The following ZNF536 variants were observed in gnomAD, a reference collection of about 807,000 sequenced individuals.
ZNF536 encodes zinc finger protein 536.
Under a neutral mutation model 84.5 loss-of-function variants are expected in ZNF536, and 13 were observed. The observed-to-expected ratio is 0.15, with a 90% CI of 0.10 to 0.24. The LOEUF (loss-of-function observed/expected upper bound fraction) is 0.24, where lower values mean the gene tolerates loss of function less well. ZNF536 is among the 10% of genes least tolerant of loss of function. The pLI, the probability that ZNF536 is intolerant of heterozygous loss-of-function variation, is 1.00. For missense variants in ZNF536, 1,536 were observed against 1,747.5 expected, an observed-to-expected ratio of 0.88 and a Z score of 2.16; for synonymous variants, 811 against 742.5, an observed-to-expected ratio of 1.09 and a Z score of -1.50.
chr19:30,467,136 C>A (rs187083931), intron 2 of ZNF536, among the ~76,000 whole-genome samples: 2 of 152,190 alleles, frequency 1.3e-5, no homozygotes, highest in Non-Finnish European at 2.9e-5. Context: ...CTGCACCCAG[C>A]CTTAACCATT....
intron 1 of ZNF536, among the ~76,000 whole-genome samples, chr19:30,593,048 G>A (rs1027010884): frequency 2.0e-5 from 3 of 152,140 alleles, no homozygotes; most frequent in Admixed American, 6.5e-5. Flanking sequence ...AGATCCTTTC[G>A]TGCAAACGCT....
intron 2 of ZNF536, among the ~76,000 whole-genome samples, chr19:30,456,275 C>A (rs1309642706): frequency 6.7e-6 from 1 of 149,522 alleles, no homozygotes; most frequent in African/African-American, 2.5e-5. Context: ...TTTAGCCAAT[C>A]TCTGATTCGT....
chr19:30,603,859 G>A (rs537705864), intron 1 of ZNF536, among the ~76,000 whole-genome samples: 1 of 152,168 alleles, frequency 6.6e-6, no homozygotes, highest in Non-Finnish European at 1.5e-5. Context: ...GGAGGCCTAG[G>A]GGGGTGGATC....
In ZNF536 at chr19:30,355,457, G is replaced by C. The variant is rs146137724; in HGVS notation, c.-3+2973G>C. Among the ~76,000 whole-genome samples the C allele has an allele frequency of 5.8e-3, 889 of 152,128 alleles. 12 individuals carry two copies. The highest frequency in any genetic ancestry group is 0.021 in the African/African-American group (856 of 41,512). ...AGTTGGAGTGCAGTGGCGTGATTTT[G>C]GCTCACTGCAACCTCGACCTCCTGG... On this transcript the variant is annotated intron_variant, in intron 3 of 5. Coordinates refer to the ZNF536 transcript ENST00000585628.
At chr19:30,598,878 T>C (rs1228982555) in intron 1 of ZNF536, among the ~76,000 whole-genome samples, 1 of 151,990 alleles carries the variant, frequency 6.6e-6, no homozygotes, top group Admixed American at 6.6e-5. Context: ...TTCCTCACTA[T>C]TTTTTCCTCC....
At chr19:30,289,891 A>G (rs574351428) in intron 2 of ZNF536, among the ~76,000 whole-genome samples, 1 of 152,318 alleles carries the variant, frequency 6.6e-6, no homozygotes, top group South Asian at 2.1e-4. Flanking sequence ...CACATAATAT[A>G]AAACTTACTA....
chr19:30,362,141 C>T (rs1173346444), intron 3 of ZNF536, among the ~76,000 whole-genome samples: 1 of 152,172 alleles, frequency 6.6e-6, no homozygotes, highest in African/African-American at 2.4e-5. Context: ...TCAACTTCAC[C>T]ATCGTCCATG....
At chr19:30,610,955 C>T (rs1452367222) in intron 1 of ZNF536, among the ~76,000 whole-genome samples, 2 of 152,210 alleles carry the variant, frequency 1.3e-5, no homozygotes, top group African/African-American at 4.8e-5. Context: ...ACCTGCCAAA[C>T]TCGAAGAGCT....
intron 2 of ZNF536, among the ~76,000 whole-genome samples, chr19:30,341,303 G>A (rs113488074): frequency 0.035 from 5,320 of 152,286 alleles, 127 homozygotes; most frequent in Non-Finnish European, 0.055. Context: ...CAGTGATGTT[G>A]GGAACCGTGA....
intron 1 of ZNF536, among the ~76,000 whole-genome samples, chr19:30,647,897 T>C (rs922806299): frequency 6.6e-6 from 1 of 152,212 alleles, no homozygotes; most frequent in Non-Finnish European, 1.5e-5. Flanking sequence ...AAGAGGGACC[T>C]GGCCCCATCT....
At chr19:30,299,886 A>G (rs2046122831) in intron 2 of ZNF536, among the ~76,000 whole-genome samples, 1 of 152,180 alleles carries the variant, frequency 6.6e-6, no homozygotes. Context: ...GCTTTTTTAT[A>G]TCAAAAAAGC....
chr19:30,484,070 C>T (rs1041858686), intron 2 of ZNF536, among the ~76,000 whole-genome samples: 7 of 152,042 alleles, frequency 4.6e-5, no homozygotes, highest in South Asian at 4.2e-4. Flanking sequence ...AGCCCATCCC[C>T]GCTGGTGCAC....
intron 2 of ZNF536, among the ~76,000 whole-genome samples, chr19:30,499,178 T>C (rs2054846844): frequency 6.6e-6 from 1 of 152,156 alleles, no homozygotes; most frequent in Non-Finnish European, 1.5e-5. Context: ...TCCAATAATA[T>C]AATCACAATC....
intron 2 of ZNF536, among the ~76,000 whole-genome samples, chr19:30,302,870 G>A (rs1039597045): frequency 4.6e-5 from 7 of 152,138 alleles, no homozygotes; most frequent in Non-Finnish European, 8.8e-5. Context: ...ACTGGCAAGG[G>A]AGGGGAAGAC....
Position 30,445,387 on chromosome 19 carries a change from T to A in ZNF536, c.1825T>A (p.Ser609Thr), listed in dbSNP as rs1370516549. 6.2e-7 allele frequency: 1 copy of A among 1,614,104 alleles called. No individual in the cohort carries two copies. The highest frequency in any genetic ancestry group is 8.5e-7 in the Non-Finnish European group (1 of 1,180,010). Residue 609 changes from serine (S) to threonine (T), a missense_variant, in exon 2 of 5, where the codon TCA (serine) becomes ACA (threonine). Transcript: ENST00000355537. This position sits in a 1 kb window ranked among gnomAD's most constrained non-coding sequence, Gnocchi z 4.5. ...DPLESSRDFL[S>T]HGLNQTLEYN... ...TTTAGAAAGCAGTCGGGATTTTTTG[T>A]CACACGGGCTGAACCAGACTCTCGA...
At chr19:30,315,871 G>A (rs1294734282) in intron 2 of ZNF536, among the ~76,000 whole-genome samples, 1 of 152,064 alleles carries the variant, frequency 6.6e-6, no homozygotes, top group Admixed American at 6.6e-5. Flanking sequence ...TACATAATGA[G>A]ATCTTACTAT....
At chr19:30,681,834 G>A (rs549681838) in intron 1 of ZNF536, among the ~76,000 whole-genome samples, 22 of 152,222 alleles carry the variant, frequency 1.4e-4, no homozygotes, top group South Asian at 6.2e-4. Flanking sequence ...TGACATCTCC[G>A]CCACGCTGGA....
chr19:30,562,633 A>C (rs190659020), downstream of ZNF536, among the ~76,000 whole-genome samples: 1 of 152,186 alleles, frequency 6.6e-6, no homozygotes, highest in African/African-American at 2.4e-5. Context: ...TGAGTGCTTT[A>C]CAGATACCAG....
At chr19:30,229,906 A>T (rs2022907609) in intron 1 of ZNF536, among the ~76,000 whole-genome samples, 1 of 152,172 alleles carries the variant, frequency 6.6e-6, no homozygotes, top group Non-Finnish European at 1.5e-5. Flanking sequence ...CCAGACACTG[A>T]CATACATGAC....
Sources: gnomAD v4.1 joint callset for allele counts (sites outside exome capture counted in the v4.1 genomes callset) on GRCh38, gnomAD v4.1.1 for gene constraint, Gnocchi (gnomAD v3.1) non-coding constraint, MANE v1.5 for transcripts, NCBI Gene and HGNC (gene_info 2026-07-23, HGNC 2026-07-21) for gene names.